The following SLC4A10 variants were observed in gnomAD, a reference collection of about 807,000 sequenced individuals.
SLC4A10 encodes the protein sodium-driven chloride bicarbonate exchanger.
SLC4A10 carries 42 observed loss-of-function variants against 137.7 expected under a neutral mutation model. The observed-to-expected ratio is 0.30, with a 90% CI of 0.24 to 0.39. SLC4A10 has a LOEUF of 0.39. SLC4A10 is among the 10% of genes least tolerant of loss of function. SLC4A10 has a pLI of 1.00. For synonymous variants in SLC4A10, 474 were observed against 464.1 expected (o/e 1.02, Z -0.27); for missense variants, 925 against 1,355.0 (o/e 0.68, Z 4.98).
At chr2:161,671,679 T>A (rs1281512904) in intron 1 of SLC4A10, among the ~76,000 whole-genome samples, 2 of 152,050 alleles carry the variant, frequency 1.3e-5, no homozygotes, top group African/African-American at 4.8e-5. Flanking sequence ...AACCCCTAAA[T>A]CTAAAATAAA....
At chr2:161,956,277 A>G (rs1695647396) in intron 19 of SLC4A10, among the ~76,000 whole-genome samples, 1 of 152,206 alleles carries the variant, frequency 6.6e-6, no homozygotes, top group African/African-American at 2.4e-5. Flanking sequence ...AAGAGGCACA[A>G]GAGCTTAAGT....
intron 15 of SLC4A10, among the ~76,000 whole-genome samples, chr2:161,930,770 G>A (rs934247301): frequency 1.3e-5 from 2 of 151,934 alleles, no homozygotes; most frequent in Admixed American, 6.6e-5. Flanking sequence ...GTTGTTAAAT[G>A]GTAGGTGGAA....
chr2:161,669,945 A>T (rs181222651), intron 1 of SLC4A10, among the ~76,000 whole-genome samples: 284 of 152,178 alleles, frequency 1.9e-3, no homozygotes, highest in Non-Finnish European at 2.9e-3. Flanking sequence ...AGGGTTATAA[A>T]TGCAAGATCT....
intron 23 of SLC4A10, among the ~76,000 whole-genome samples, chr2:161,969,617 A>G (rs1047389011): frequency 1.3e-5 from 2 of 152,186 alleles, no homozygotes; most frequent in Non-Finnish European, 2.9e-5. Flanking sequence ...AGTGTTGGAT[A>G]AATCCTAGAA....
At chr2:161,881,148 T>C (rs1348393178) in intron 9 of SLC4A10, among the ~76,000 whole-genome samples, 1 of 152,028 alleles carries the variant, frequency 6.6e-6, no homozygotes, top group African/African-American at 2.4e-5. Flanking sequence ...CTTATTATCC[T>C]TTTTTTGGGA....
At position 161,821,452 on chromosome 2, in the gene SLC4A10, GGA is replaced by G. The variant is rs201695433; in HGVS notation, c.277+16860_277+16861del. ...ATAAAAATAAACATCCATCAACACA[GGA>G]GAAATATTCTATTAACTTAGACAAT... On this transcript the variant is annotated intron_variant, in intron 3 of 26. Coordinates refer to ENST00000446997, the MANE Select transcript of SLC4A10 (RefSeq NM_001178015.2). Among the ~76,000 whole-genome samples, 56 of 152,210 alleles carry G rather than the reference GGA, an allele frequency of 3.7e-4. No individual in the cohort carries two copies. The East Asian group carries it at 0.01, about 28-fold the overall frequency.
intron 1 of SLC4A10, among the ~76,000 whole-genome samples, chr2:161,738,206 G>T (rs1374019375): frequency 1.3e-5 from 2 of 152,176 alleles, no homozygotes; most frequent in Admixed American, 1.3e-4. Context: ...GGGCTGGAAG[G>T]TACTTCTTTT....
intron 6 of SLC4A10, among the ~76,000 whole-genome samples, chr2:161,867,498 G>A (rs540163114): frequency 3.3e-5 from 5 of 151,870 alleles, no homozygotes; most frequent in South Asian, 2.1e-4. Flanking sequence ...ATTTTCCACC[G>A]CTCCAAGAAA....
chr2:161,814,018 C>T (rs2056820307), intron 3 of SLC4A10, among the ~76,000 whole-genome samples: 1 of 151,916 alleles, frequency 6.6e-6, no homozygotes, highest in Non-Finnish European at 1.5e-5. Flanking sequence ...GGAAACTTTG[C>T]TATTTAAATT....
At chr2:161,807,072 G>T (rs897971306) in intron 3 of SLC4A10, among the ~76,000 whole-genome samples, 1 of 152,030 alleles carries the variant, frequency 6.6e-6, no homozygotes, top group Non-Finnish European at 1.5e-5. Context: ...CAGGTAAAGA[G>T]ACCTTGTGCA....
chr2:161,768,569 C>T (rs1038558055), intron 1 of SLC4A10, among the ~76,000 whole-genome samples: 1 of 151,884 alleles, frequency 6.6e-6, no homozygotes, highest in Non-Finnish European at 1.5e-5. Flanking sequence ...TATAGAAAGA[C>T]CATGACTCTT....
At chr2:161,710,793 A>T (rs538640507) in intron 1 of SLC4A10, 2 of 445,000 alleles carry the variant, frequency 4.5e-6, no homozygotes, top group Non-Finnish European at 9.1e-6. Context: ...TCTTCAATTC[A>T]GTAAACATAG....
In SLC4A10 at chr2:161,936,297, A is replaced by C. The variant is rs151092653; in HGVS notation, c.1998-6495A>C. 4.5e-3 allele frequency among the ~76,000 whole-genome samples: 686 copies of C among 152,264 alleles called. 6 individuals carry two copies. The highest frequency in any genetic ancestry group is 0.015 in the African/African-American group (634 of 41,558). ...GTATCATTGTAATGCTTTCCTCATA[A>C]AATGAGTTTGGATGTACTTCTCTTC... On this transcript the variant is annotated intron_variant, in intron 15 of 26. Transcript: ENST00000446997.
At chr2:161,652,483 A>C (rs1234866477) in intron 1 of SLC4A10, among the ~76,000 whole-genome samples, 2 of 152,226 alleles carry the variant, frequency 1.3e-5, no homozygotes, top group African/African-American at 4.8e-5. Context: ...TAACATATAC[A>C]AATATATTTA....
chr2:161,883,405 A>G (rs1015506285), intron 10 of SLC4A10, among the ~76,000 whole-genome samples: 4 of 152,156 alleles, frequency 2.6e-5, no homozygotes, highest in Non-Finnish European at 4.4e-5. Flanking sequence ...AAATTCTTCA[A>G]TCTGTCCAAA....
chr2:161,951,305 C>T (rs1001782867), intron 19 of SLC4A10, among the ~76,000 whole-genome samples: 1 of 152,136 alleles, frequency 6.6e-6, no homozygotes, highest in African/African-American at 2.4e-5. Context: ...CTGCCTGTAA[C>T]AACAAAATCC....
At chr2:161,803,076 G>GT (rs1184565444) in intron 2 of SLC4A10, among the ~76,000 whole-genome samples, 2 of 151,980 alleles carry the variant, frequency 1.3e-5, no homozygotes, top group South Asian at 2.1e-4. Flanking sequence ...TTCTTTAGAG[G>GT]TTTTTTCCCT....
chr2:161,699,397 G>A (rs1463832508), intron 1 of SLC4A10, among the ~76,000 whole-genome samples: 10 of 152,110 alleles, frequency 6.6e-5, no homozygotes, highest in African/African-American at 2.4e-4. Flanking sequence ...CTTCAAAGGT[G>A]ACTCAAACAA....
chr2:161,655,522 A>G (rs1374667647), intron 1 of SLC4A10, among the ~76,000 whole-genome samples: 1 of 152,192 alleles, frequency 6.6e-6, no homozygotes, highest in Non-Finnish European at 1.5e-5. Context: ...TTACTATGTC[A>G]AGAAGATTAA....
Sources: gnomAD v4.1 joint callset for allele counts (sites outside exome capture counted in the v4.1 genomes callset) on GRCh38, gnomAD v4.1.1 for gene constraint, MANE v1.5 for transcripts, NCBI Gene and HGNC (gene_info 2026-07-23, HGNC 2026-07-21) for gene names.